ZSWIM9: variants seen among roughly 807,000 people sequenced by gnomAD.
The protein encoded by ZSWIM9 is uncharacterized protein ZSWIM9.
ZSWIM9 carries 11 observed loss-of-function variants against 25.0 expected under a neutral mutation model. That is an observed-to-expected ratio of 0.44 (90% confidence interval 0.28 to 0.73). The LOEUF (loss-of-function observed/expected upper bound fraction) is 0.73. ZSWIM9 is among the 30% of genes least tolerant of loss of function. The pLI is 0.16. For missense variants in ZSWIM9, 1,070 were observed against 1,296.5 expected, an observed-to-expected ratio of 0.83 and a Z score of 2.68; for synonymous variants, 562 against 582.1, an observed-to-expected ratio of 0.97 and a Z score of 0.50.
chr19:48,183,859 G>A (rs967438444), intron 3 of ZSWIM9, among the ~76,000 whole-genome samples: 1 of 150,608 alleles, frequency 6.6e-6, no homozygotes, highest in African/African-American at 2.4e-5. Context: ...TGTTGCCCAG[G>A]CTAGTCTTGA....
chr19:48,196,858 C>G lies in ZSWIM9; in HGVS notation c.*31C>G. The G allele has an allele frequency of 1.6e-6, 2 of 1,246,568 alleles. No individual in the cohort carries two copies. Among genetic ancestry groups the G allele is most frequent in the Non-Finnish European group, 2.0e-6 (2 of 996,638 alleles). 77.2% of individuals were successfully genotyped at this position (1,246,568 alleles called of 1,614,324 possible). On this transcript the variant is annotated 3_prime_UTR_variant, in exon 4 of 4. Transcript: ENST00000614654. ...CATGCCTCTGCCCACCACCCTCCAC[C>G]AGGAGGGTCGGAGGGCATTCTTCGA...
At position 48,195,587 on chromosome 19, in the gene ZSWIM9, C is replaced by G; in HGVS notation, c.1523C>G (p.Ala508Gly). ...CTGGAAACCAGAGACTGGGGCGGGG[C>G]TCAGTTCGAAGGTGAGAAGGGGAGG... ...RALETRDWGG[A>G]QFEGEKGRAL... The change falls in exon 4 of 4, where the codon GCT becomes GGT. Residue 508 changes from alanine to glycine, a missense_variant. Ala to Gly is a moderately conservative substitution (Grantham distance 60). Around this residue, in one of 4 missense-constraint regions of ZSWIM9, gnomAD observed 583 missense variants for 624.7 expected, o/e 0.93. Coordinates refer to ENST00000614654, the MANE Select transcript of ZSWIM9 (RefSeq NM_199341.4). This position sits in a 1 kb window ranked among gnomAD's most constrained non-coding sequence, Gnocchi z 5.8. 1 of 1,416,246 alleles carries G rather than the reference C, an allele frequency of 7.1e-7. No individual in the cohort carries two copies. The highest frequency in any genetic ancestry group is 9.2e-7 in the Non-Finnish European group (1 of 1,090,632). The allele number at this position is 1,416,246 out of a possible 1,614,324, so 87.7% of individuals were successfully genotyped here.
At chr19:48,183,829 G>T (rs766514329) in intron 3 of ZSWIM9, among the ~76,000 whole-genome samples, 2 of 144,244 alleles carry the variant, frequency 1.4e-5, no homozygotes, top group East Asian at 4.3e-4. Flanking sequence ...AGAGATGTTT[G>T]GCGGGGGGGG....
chr19:48,176,892 C>T (rs1431540092), intron 2 of ZSWIM9, among the ~76,000 whole-genome samples: 1 of 151,144 alleles, frequency 6.6e-6, no homozygotes, highest in Non-Finnish European at 1.5e-5. Context: ...GGTGAAACTC[C>T]GTCTCTACTA....
At chr19:48,176,711 A>C (rs2123190197) in intron 2 of ZSWIM9, among the ~76,000 whole-genome samples, 1 of 152,182 alleles carries the variant, frequency 6.6e-6, no homozygotes, top group African/African-American at 2.4e-5. Flanking sequence ...TGCAATGTGC[A>C]AGGTGGTGGT....
chr19:48,192,883 C>T (rs1447530941), intron 3 of ZSWIM9: 1 of 153,608 alleles, frequency 6.5e-6, no homozygotes, highest in East Asian at 1.9e-4. Context: ...AACAGCAGCA[C>T]ATAGGGCAGA....
At chr19:48,172,635 A>G (rs1568573115) in intron 2 of ZSWIM9, among the ~76,000 whole-genome samples, 2 of 151,806 alleles carry the variant, frequency 1.3e-5, no homozygotes, top group South Asian at 2.1e-4. Flanking sequence ...TCCTGCCTCA[A>G]CCTCCTGAGT....
intron 2 of ZSWIM9, among the ~76,000 whole-genome samples, chr19:48,175,225 G>A (rs769517308): frequency 6.6e-6 from 1 of 152,214 alleles, no homozygotes; most frequent in Non-Finnish European, 1.5e-5. Context: ...CAAGGAGCAG[G>A]AGAGACAGGA....
At chr19:48,175,132 T>A (rs1278983931) in intron 2 of ZSWIM9, among the ~76,000 whole-genome samples, 1 of 152,130 alleles carries the variant, frequency 6.6e-6, no homozygotes, top group African/African-American at 2.4e-5. Context: ...TGTTTATGTA[T>A]GTATAGTATG....
chr19:48,182,961 C>G lies in ZSWIM9; in HGVS notation c.588+194C>G. On this transcript the variant is annotated intron_variant, in intron 3 of 3. Transcript: ENST00000614654. The surrounding 1 kb of genome is among the most constrained non-coding windows in gnomAD (Gnocchi z 4.6). ...AAACCAGACCCACGTGGTCTCTGTC[C>G]GCAGAGAGCTTACCTTCTAGGGTAG... 5.1e-6 allele frequency: 3 copies of G among 593,224 alleles called. No homozygotes were observed. The highest frequency in any genetic ancestry group is 9.0e-6 in the Non-Finnish European group (3 of 333,458). 36.7% of individuals were successfully genotyped at this position (593,224 alleles called of 1,614,324 possible).
chr19:48,172,329 T>TC (rs1330540532), intron 2 of ZSWIM9, among the ~76,000 whole-genome samples: 1 of 151,510 alleles, frequency 6.6e-6, no homozygotes, highest in African/African-American at 2.4e-5. Context: ...CTTTTTTTTT[T>TC]TTTTCGAGAT....
intron 2 of ZSWIM9, among the ~76,000 whole-genome samples, chr19:48,180,079 C>T (rs560245256): frequency 1.3e-5 from 2 of 152,218 alleles, no homozygotes; most frequent in African/African-American, 4.8e-5. Flanking sequence ...TGCAGTGGTG[C>T]GATCTCGGCT....
At chr19:48,171,754 A>C in intron 1 of ZSWIM9, 40 bp from the exon 2 acceptor site, 1 of 1,486,612 alleles carries the variant, frequency 6.7e-7, no homozygotes, top group Non-Finnish European at 8.9e-7. Context: ...CCGGGTGGGA[A>C]TGGGTCTGAT....
rs773783866 is a variant in ZSWIM9, at chr19:48,196,514, A to T, written c.2450A>T (p.Glu817Val). Residue 817 changes from glutamate to valine, a missense_variant, in exon 4 of 4, where the codon GAG becomes GTG. Coordinates refer to ENST00000614654, the MANE Select transcript of ZSWIM9 (RefSeq NM_199341.4). The stretch of plus-strand genomic sequence containing the variant: ...CTTTGCCGACCCCCGGGAGAGGAGG[A>T]GGTGGACTGGGAACCCCTGGCCAAA... ...KRLCRPPGEEEVDWEPLAKFR... is the reference protein window; with the variant it reads ...KRLCRPPGEEVVDWEPLAKFR... The T allele has an allele frequency of 1.9e-5, 23 of 1,231,842 alleles. No homozygotes were observed. Among genetic ancestry groups the T allele is most frequent in the Middle Eastern group, 3.1e-4 (1 of 3,216 alleles). 76.3% of individuals were successfully genotyped at this position (1,231,842 alleles called of 1,614,324 possible).
intron 3 of ZSWIM9, chr19:48,187,598 T>C: frequency 1.0e-5 from 1 of 99,964 alleles, no homozygotes; most frequent in Middle Eastern, 4.0e-3. Context: ...TATAATATAA[T>C]ATTATATATT....
chr19:48,192,882 A>G (rs909871689), intron 3 of ZSWIM9: 1 of 153,614 alleles, frequency 6.5e-6, no homozygotes, highest in Non-Finnish European at 1.5e-5. Context: ...TAACAGCAGC[A>G]CATAGGGCAG....
chr19:48,195,948 G>T lies in ZSWIM9; in HGVS notation c.1884G>T (p.Arg628Ser). ...GGAGTCTTGAAGGAAGCCCCTGGAG[G>T]GGGGCGCAGCTGCACGATGAAAGGG... ...RVRSLEGSPWRGAQLHDERAG... is the reference protein window; with the variant it reads ...RVRSLEGSPWSGAQLHDERAG... Residue 628 changes from arginine to serine, a missense_variant, in exon 4 of 4, where the codon AGG (arginine) becomes AGT (serine). Coordinates refer to ENST00000614654, the MANE Select transcript of ZSWIM9 (RefSeq NM_199341.4). This position sits in a 1 kb window ranked among gnomAD's most constrained non-coding sequence, Gnocchi z 5.8. The T allele has an allele frequency of 1.5e-6, 2 of 1,332,330 alleles. No individual in the cohort carries two copies. Among genetic ancestry groups the T allele is most frequent in the South Asian group, 2.1e-5 (1 of 46,786 alleles). The allele number at this position is 1,332,330 out of a possible 1,614,324, so 82.5% of individuals were successfully genotyped here. A position where few individuals can be genotyped will look rare whatever the true frequency, so the allele number is the denominator to read the frequency against.
At chr19:48,172,480 G>A (rs2036848992) in intron 2 of ZSWIM9, among the ~76,000 whole-genome samples, 1 of 151,962 alleles carries the variant, frequency 6.6e-6, no homozygotes, top group South Asian at 2.1e-4. Context: ...GCTAATTTTT[G>A]TGTGGTTTTT....
chr19:48,196,249 G>C lies in ZSWIM9; in HGVS notation c.2185G>C (p.Glu729Gln). Residue 729 changes from glutamate to glutamine, a missense_variant, in exon 4 of 4, where the codon GAG becomes CAG. By Grantham distance (29) the Glu-to-Gln change is conservative. Around this residue, in one of 4 missense-constraint regions of ZSWIM9, gnomAD observed 583 missense variants for 624.7 expected, o/e 0.93. Coordinates refer to ENST00000614654, the MANE Select transcript of ZSWIM9 (RefSeq NM_199341.4). ...GGGAGACACGAGGGTCACAGGCATG[G>C]AGAATGGAGATGGAGGGGGAGCCCG... ...QLGDTRVTGM[E>Q]NGDGGGARSV... 1 of 1,233,714 alleles carries C rather than the reference G, an allele frequency of 8.1e-7. No homozygotes were observed. Among genetic ancestry groups the C allele is most frequent in the Non-Finnish European group, 1.0e-6 (1 of 989,144 alleles). The allele number at this position is 1,233,714 out of a possible 1,614,324, so 76.4% of individuals were successfully genotyped here. A position where few individuals can be genotyped will look rare whatever the true frequency, so the allele number is the denominator to read the frequency against.
Sources: allele counts gnomAD v4.1 joint callset (sites outside exome capture counted in the v4.1 genomes callset), GRCh38; gene constraint gnomAD v4.1.1; regional missense constraint gnomAD v4.1.1; non-coding constraint Gnocchi (gnomAD v3.1); transcripts MANE v1.5; gene names NCBI Gene and HGNC (gene_info 2026-07-23, HGNC 2026-07-21).